The following ORC4 variants were observed in gnomAD, a reference collection of about 807,000 sequenced individuals.
ORC4 encodes origin recognition complex, subunit 4 homolog.
A neutral mutation model predicts 63.9 loss-of-function variants in ORC4; 55 were observed. That is an observed-to-expected ratio of 0.86 (90% CI 0.69 to 1.08). ORC4 has a LOEUF of 1.08. Among genes scored for constraint, ORC4 ranks in the 50% least tolerant of loss-of-function variants. The pLI is 0.00. For missense variants in ORC4, 511 were observed against 504.4 expected, an observed-to-expected ratio of 1.01 and a Z score of -0.13; for synonymous variants, 150 against 168.5, an observed-to-expected ratio of 0.89 and a Z score of 0.85.
chr2:148,019,407 T>C (rs957167322), intron 1 of ORC4, among the ~76,000 whole-genome samples: 1 of 152,132 alleles, frequency 6.6e-6, no homozygotes, highest in African/African-American at 2.4e-5. Context: ...CTGACCAACA[T>C]GGTGAAACCC....
intron 1 of ORC4, among the ~76,000 whole-genome samples, chr2:147,987,391 TACACAC>T (rs763374232): frequency 4.4e-5 from 6 of 136,664 alleles, no homozygotes; most frequent in South Asian, 2.5e-4. Context: ...TGTATATATA[TACACAC>T]ACACACACAC....
chr2:148,011,199 C>T (rs1389025654), intron 1 of ORC4, among the ~76,000 whole-genome samples: 1 of 152,102 alleles, frequency 6.6e-6, no homozygotes, highest in Non-Finnish European at 1.5e-5. Context: ...AGGCCAGTAT[C>T]TCTGATGAAA....
rs554042111 is a variant in ORC4 at position 147,977,155 on chromosome 2, T to C, written c.-17-1180A>G. Among the ~76,000 whole-genome samples the C allele has an allele frequency of 8.5e-5, 13 of 152,276 alleles. No individual in the cohort carries two copies. The South Asian group carries it at 1.9e-3, about 22-fold the overall frequency. ...CTCTTTTAAGGTTAGAAGACACAGA[T>C]AGGCTAGGTATGTTGACCAAAATCA... is the stretch of plus-strand genomic sequence containing the variant. On this transcript the variant is annotated intron_variant, in intron 1 of 13. Coordinates refer to ENST00000392857, the MANE Select transcript of ORC4 (RefSeq NM_181741.4).
intron 9 of ORC4, chr2:147,947,810 A>G: frequency 3.3e-6 from 1 of 302,074 alleles, no homozygotes; most frequent in Non-Finnish European, 6.1e-6. Context: ...GTTTACTTCA[A>G]ACTAATAACA....
At chr2:147,981,073 T>G (rs1359471848) in intron 1 of ORC4, among the ~76,000 whole-genome samples, 1 of 152,176 alleles carries the variant, frequency 6.6e-6, no homozygotes, top group African/African-American at 2.4e-5. Flanking sequence ...TGCAGCAACA[T>G]AGATGCATTT....
At chr2:147,980,746 A>C (rs2105368883) in intron 1 of ORC4, among the ~76,000 whole-genome samples, 1 of 152,178 alleles carries the variant, frequency 6.6e-6, no homozygotes, top group East Asian at 1.9e-4. Flanking sequence ...GAAGAAAGGA[A>C]ACTCTTGTAC....
intron 1 of ORC4, among the ~76,000 whole-genome samples, chr2:148,001,482 A>G (rs547115167): frequency 6.6e-6 from 1 of 152,334 alleles, no homozygotes; most frequent in East Asian, 1.9e-4. Context: ...AGAATTTTCA[A>G]CACAGAATTT....
chr2:148,017,465 A>T (rs1558884972), intron 1 of ORC4, among the ~76,000 whole-genome samples: 1 of 152,214 alleles, frequency 6.6e-6, no homozygotes, highest in Non-Finnish European at 1.5e-5. Context: ...TGAGGTCAGG[A>T]GTTTGAGACC....
intron 1 of ORC4, among the ~76,000 whole-genome samples, chr2:148,013,796 A>T (rs746618491): frequency 1.3e-5 from 2 of 152,222 alleles, no homozygotes; most frequent in Non-Finnish European, 2.9e-5. Context: ...TCTCAGAAGT[A>T]AAAAAGAAAG....
intron 1 of ORC4, among the ~76,000 whole-genome samples, chr2:147,996,669 A>G (rs745969131): frequency 1.3e-4 from 20 of 152,234 alleles, no homozygotes; most frequent in Non-Finnish European, 2.5e-4. Context: ...GCTCAACATC[A>G]TATGTCAATA....
intron 7 of ORC4, among the ~76,000 whole-genome samples, 199 bp downstream of exon 7, chr2:147,955,148 A>G (rs1689174041): frequency 6.6e-6 from 1 of 151,980 alleles, no homozygotes. Context: ...ATATCATTGA[A>G]TAAAGATAAG....
Position 147,952,396 on chromosome 2 carries a change from C to T in ORC4, c.565G>A (p.Val189Ile). The T allele has an allele frequency of 1.2e-6, 2 of 1,608,754 alleles. No homozygotes were observed. Among genetic ancestry groups the T allele is most frequent in the Non-Finnish European group, 1.7e-6 (2 of 1,175,484 alleles). Reference sequence around the variant, plus strand: ...ACCAATCTACATGTAAGACCAATAACTGCTATTGGGGTCTGTGCAGACTGA... The same window carrying T: ...ACCAATCTACATGTAAGACCAATAATTGCTATTGGGGTCTGTGCAGACTGA... Reference protein sequence around the residue: ...ISQSAQTPIAVIGLTCRLDIL... With the variant: ...ISQSAQTPIAIIGLTCRLDIL... Residue 189 changes from valine (V) to isoleucine (I), a missense_variant, in exon 8 of 14, where the codon GTT (valine) becomes ATT (isoleucine). Val to Ile is a conservative substitution (Grantham distance 29, BLOSUM62 3). Coordinates refer to ENST00000392857, the MANE Select transcript of ORC4 (RefSeq NM_181741.4).
chr2:148,015,307 A>ATTT lies in ORC4; in HGVS notation c.-18+5323_-18+5325dup, dbSNP rs1158861758. ...TTGGAATTTGCCATTTGATATTGGA[A>ATTT]TTTTTTTTTTTTTTTTTTTTTTTTT... On this transcript the variant is annotated intron_variant, in intron 1 of 13. Transcript: ENST00000392857. Among the ~76,000 whole-genome samples, 209 of 92,290 alleles carry ATTT rather than the reference A, an allele frequency of 2.3e-3. 1 individual carries two copies. The highest frequency in any genetic ancestry group is 4.9e-3 in the African/African-American group (110 of 22,304). The allele number at this position is 92,290 out of a possible 152,430, so 60.5% of individuals were successfully genotyped here.
At chr2:147,980,366 C>CATAG (rs1312292164) in intron 1 of ORC4, among the ~76,000 whole-genome samples, 7 of 151,908 alleles carry the variant, frequency 4.6e-5, no homozygotes, top group African/African-American at 1.7e-4. Flanking sequence ...GTAGGTTATA[C>CATAG]GCTAATACCA....
At chr2:147,993,276 C>T (rs1282884328) in intron 1 of ORC4, among the ~76,000 whole-genome samples, 2 of 152,038 alleles carry the variant, frequency 1.3e-5, no homozygotes, top group Non-Finnish European at 2.9e-5. Flanking sequence ...CCTTCAGAGG[C>T]TGAAAGGGAA....
chr2:147,954,428 T>C (rs972123518), intron 7 of ORC4, among the ~76,000 whole-genome samples: 9 of 152,170 alleles, frequency 5.9e-5, no homozygotes, highest in African/African-American at 1.9e-4. Flanking sequence ...GCATAGCCTA[T>C]TGCTCCTAGG....
At chr2:147,967,149 A>G (rs1689941217) in intron 4 of ORC4, among the ~76,000 whole-genome samples, 1 of 152,118 alleles carries the variant, frequency 6.6e-6, no homozygotes, top group African/African-American at 2.4e-5. Flanking sequence ...CCTTCATGAT[A>G]GAAACTGTCA....
At chr2:148,014,621 C>T (rs560339815) in intron 1 of ORC4, among the ~76,000 whole-genome samples, 41 of 152,042 alleles carry the variant, frequency 2.7e-4, no homozygotes, top group Non-Finnish European at 4.9e-4. Flanking sequence ...TGAATATAGT[C>T]GGCCCTTCAT....
intron 4 of ORC4, among the ~76,000 whole-genome samples, chr2:147,970,500 TAGAA>T (rs748005100): frequency 2.0e-5 from 3 of 150,368 alleles, no homozygotes; most frequent in South Asian, 2.1e-4. Context: ...AGCAAGGGAA[TAGAA>T]AGAGAACCTA....
Sources: allele counts gnomAD v4.1 joint callset (sites outside exome capture counted in the v4.1 genomes callset), GRCh38; gene constraint gnomAD v4.1.1; transcripts MANE v1.5; gene names NCBI Gene and HGNC (gene_info 2026-07-23, HGNC 2026-07-21).